Variants in RASGRP3 observed in about 807,000 individuals in gnomAD.
RASGRP3 encodes the protein ras guanyl-releasing protein 3.
Under a neutral mutation model 82.7 loss-of-function variants are expected in RASGRP3, and 54 were observed. That is an observed-to-expected ratio of 0.65 (90% CI 0.52 to 0.82). The LOEUF is 0.82. Ranked by LOEUF, RASGRP3 falls within the 40% of genes least tolerant of loss-of-function variation. RASGRP3 has a pLI of 0.00. For missense variants in RASGRP3, 861 were observed against 828.9 expected (o/e 1.04, Z -0.48); for synonymous variants, 309 against 300.5 (o/e 1.03, Z -0.29).
At chr2:33,442,699 A>G (rs923456180) in intron 1 of RASGRP3, among the ~76,000 whole-genome samples, 1 of 152,236 alleles carries the variant, frequency 6.6e-6, no homozygotes, top group Non-Finnish European at 1.5e-5. Flanking sequence ...CACTTTTTTC[A>G]TAATTGTTTT....
chr2:33,486,189 G>A (rs1443824328), intron 1 of RASGRP3, among the ~76,000 whole-genome samples: 1 of 146,050 alleles, frequency 6.8e-6, no homozygotes, highest in African/African-American at 2.5e-5. Flanking sequence ...GAGAGAGAGA[G>A]AGTCTCACTC....
intron 14 of RASGRP3, among the ~76,000 whole-genome samples, chr2:33,554,351 G>A (rs969863686): frequency 6.6e-6 from 1 of 152,142 alleles, no homozygotes; most frequent in East Asian, 1.9e-4. Context: ...CAAACACAAA[G>A]AGGTTAGCAA....
intron 17 of RASGRP3, among the ~76,000 whole-genome samples, chr2:33,559,895 A>C (rs999904899): frequency 3.3e-5 from 5 of 152,194 alleles, no homozygotes; most frequent in Non-Finnish European, 7.3e-5. Flanking sequence ...TCCCATGATG[A>C]GAAAAACTCC....
chr2:33,558,176 C>T, intron 15 of RASGRP3, 35 bp from the exon 16 acceptor site: 1 of 1,599,594 alleles, frequency 6.3e-7, no homozygotes, highest in South Asian at 1.1e-5. Context: ...ACATCAGACA[C>T]ACTAATCATC....
intron 1 of RASGRP3, among the ~76,000 whole-genome samples, chr2:33,480,475 G>A (rs1049959296): frequency 1.3e-5 from 2 of 152,170 alleles, no homozygotes; most frequent in African/African-American, 4.8e-5. Flanking sequence ...TCCTTGCTAG[G>A]AATTGCTCAC....
intron 4 of RASGRP3, among the ~76,000 whole-genome samples, chr2:33,519,555 C>T (rs1040458719): frequency 6.6e-6 from 1 of 152,090 alleles, no homozygotes; most frequent in African/African-American, 2.4e-5. Flanking sequence ...TGCAGTGAAC[C>T]GAGATCGTGC....
At chr2:33,556,750 AC>A (rs1297305114) in intron 15 of RASGRP3, among the ~76,000 whole-genome samples, 14 of 151,964 alleles carry the variant, frequency 9.2e-5, no homozygotes, top group Non-Finnish European at 1.5e-4. Flanking sequence ...GCTCAGAGGG[AC>A]CTTCCCATTA....
intron 1 of RASGRP3, among the ~76,000 whole-genome samples, chr2:33,440,176 C>T (rs778684362): frequency 2.0e-5 from 3 of 152,022 alleles, no homozygotes; most frequent in South Asian, 2.1e-4. Flanking sequence ...AAATAGTAAG[C>T]GAACAGCTGA....
intron 17 of RASGRP3, 126 bp from the exon 18 acceptor site, chr2:33,562,603 T>G: frequency 1.0e-5 from 11 of 1,055,724 alleles, no homozygotes; most frequent in Non-Finnish European, 1.5e-5. Flanking sequence ...CACTAAATCC[T>G]GAGACTACAA....
intron 2 of RASGRP3, among the ~76,000 whole-genome samples, chr2:33,452,096 C>T (rs1306102178): frequency 2.6e-5 from 4 of 152,046 alleles, no homozygotes; most frequent in African/African-American, 7.2e-5. Flanking sequence ...TTTCTATACC[C>T]TCATCGAATC....
At chr2:33,449,761 A>T (rs1665688057) in intron 2 of RASGRP3, among the ~76,000 whole-genome samples, 2 of 152,198 alleles carry the variant, frequency 1.3e-5, no homozygotes, top group African/African-American at 4.8e-5. Flanking sequence ...CCATCTCCAA[A>T]AAAAAAAGGA....
At chr2:33,548,849 C>T (rs1349127633) in intron 13 of RASGRP3, among the ~76,000 whole-genome samples, 1 of 152,032 alleles carries the variant, frequency 6.6e-6, no homozygotes. Context: ...CCACCACGTC[C>T]AGCTAATTTT....
chr2:33,465,414 G>A (rs1233537835), intron 2 of RASGRP3, among the ~76,000 whole-genome samples: 1 of 152,198 alleles, frequency 6.6e-6, no homozygotes, highest in Non-Finnish European at 1.5e-5. Context: ...AAAGTACAAG[G>A]TGGAAGGCCG....
chr2:33,549,813 T>A (rs1675199000), intron 14 of RASGRP3, 62 bp downstream of exon 14: 1 of 1,526,250 alleles, frequency 6.6e-7, no homozygotes, highest in African/African-American at 1.4e-5. Context: ...TCTGAAAAAG[T>A]AGGAAAATGA....
At chr2:33,511,543 A>G (rs1670926946) in intron 1 of RASGRP3, among the ~76,000 whole-genome samples, 167 bp from the exon 2 acceptor site, 1 of 152,210 alleles carries the variant, frequency 6.6e-6, no homozygotes. Flanking sequence ...CCAAATAACT[A>G]TTTTGAATAT....
intron 3 of RASGRP3, 91 bp downstream of exon 3, chr2:33,515,297 CA>C: frequency 7.4e-7 from 1 of 1,357,658 alleles, no homozygotes. Context: ...GAACAGAGTT[CA>C]GTCTCTGTAC....
intron 2 of RASGRP3, among the ~76,000 whole-genome samples, chr2:33,468,357 T>C (rs1384666641): frequency 1.3e-5 from 2 of 152,150 alleles, no homozygotes; most frequent in African/African-American, 4.8e-5. Flanking sequence ...CTTTTATATC[T>C]CACTTAATCG....
At chr2:33,437,162 G>A (rs532961290) in intron 1 of RASGRP3, among the ~76,000 whole-genome samples, 6 of 152,266 alleles carry the variant, frequency 3.9e-5, no homozygotes, top group Non-Finnish European at 8.8e-5. Flanking sequence ...GCACTGAATA[G>A]TTTCCAGTGA....
chr2:33,483,078 C>T (rs1668074763), intron 1 of RASGRP3: 2 of 151,560 alleles, frequency 1.3e-5, no homozygotes, highest in Non-Finnish European at 2.9e-5. Context: ...AAAAGTATAC[C>T]TTCCTGGATT....
Sources: allele counts gnomAD v4.1 joint callset (sites outside exome capture counted in the v4.1 genomes callset), GRCh38; gene constraint gnomAD v4.1.1; transcripts MANE v1.5; gene names NCBI Gene and HGNC (gene_info 2026-07-23, HGNC 2026-07-21).